The following NRG1 variants were observed in gnomAD, a reference collection of about 807,000 sequenced individuals.
The protein encoded by NRG1 is pro-neuregulin-1, membrane-bound isoform.
In NRG1, 18 loss-of-function variants were observed where a neutral mutation model predicts 63.8. The observed-to-expected ratio is 0.28, with a 90% CI of 0.19 to 0.42. The LOEUF (loss-of-function observed/expected upper bound fraction) is 0.42. Ranked by LOEUF, NRG1 falls within the 10% of genes least tolerant of loss-of-function variation. The pLI is 1.00. For synonymous variants in NRG1, 302 were observed against 301.3 expected (o/e 1.00, Z -0.02); for missense variants, 762 against 814.7 (o/e 0.94, Z 0.79).
intron 1 of NRG1, among the ~76,000 whole-genome samples, chr8:32,500,940 T>C (rs1219830885): frequency 6.6e-6 from 1 of 152,202 alleles, no homozygotes; most frequent in Non-Finnish European, 1.5e-5. Context: ...GCTTCTCCAT[T>C]AGTTCTGGAA....
intron 1 of NRG1, among the ~76,000 whole-genome samples, chr8:32,332,664 G>A (rs1802791685): frequency 6.6e-6 from 1 of 152,152 alleles, no homozygotes; most frequent in Non-Finnish European, 1.5e-5. Flanking sequence ...AAAGGAAACT[G>A]AAGCATAGAG....
At chr8:32,299,698 C>T (rs902378540) in intron 1 of NRG1, among the ~76,000 whole-genome samples, 5 of 152,082 alleles carry the variant, frequency 3.3e-5, no homozygotes, top group East Asian at 1.9e-4. Context: ...GCAAAGGAGG[C>T]GCAAAGGCAC....
chr8:32,258,263 T>A (rs1392614879), intron 1 of NRG1, among the ~76,000 whole-genome samples: 1 of 152,194 alleles, frequency 6.6e-6, no homozygotes, highest in African/African-American at 2.4e-5. Flanking sequence ...AAATAGCTTT[T>A]CACAGTTGAG....
chr8:32,711,999 G>C (rs1817930328), intron 5 of NRG1, among the ~76,000 whole-genome samples: 1 of 152,140 alleles, frequency 6.6e-6, no homozygotes, highest in Admixed American at 6.6e-5. Context: ...ATGGCAGAGT[G>C]AGCCTGCGTA....
chr8:32,093,416 A>G (rs1829471817), intron 1 of NRG1, among the ~76,000 whole-genome samples: 1 of 152,214 alleles, frequency 6.6e-6, no homozygotes, highest in Non-Finnish European at 1.5e-5. Flanking sequence ...AAATGAAAAA[A>G]CTAGTGCTAA....
chr8:31,990,792 A>T (rs1268031446), intron 1 of NRG1, among the ~76,000 whole-genome samples: 1 of 152,086 alleles, frequency 6.6e-6, no homozygotes, highest in Non-Finnish European at 1.5e-5. Context: ...GGTTCTGGTT[A>T]AACTTTTCCA....
At chr8:31,989,786 G>T (rs569850705) in intron 1 of NRG1, among the ~76,000 whole-genome samples, 1 of 152,042 alleles carries the variant, frequency 6.6e-6, no homozygotes, top group Non-Finnish European at 1.5e-5. Flanking sequence ...ATTCCAGGAC[G>T]TGCCAATGAA....
chr8:32,692,442 G>T (rs1485947545), intron 5 of NRG1, among the ~76,000 whole-genome samples: 3 of 152,158 alleles, frequency 2.0e-5, no homozygotes, highest in African/African-American at 7.2e-5. Context: ...GATTCCAACT[G>T]AGCTTTGGCC....
At chr8:31,767,701 G>A (rs1329232178) in intron 1 of NRG1, among the ~76,000 whole-genome samples, 6 of 151,882 alleles carry the variant, frequency 4.0e-5, no homozygotes, top group Admixed American at 6.6e-5. Context: ...TGAGCTGGGC[G>A]TGGTGGCAGT....
chr8:31,903,242 G>A (rs574159118), intron 1 of NRG1, among the ~76,000 whole-genome samples: 8 of 144,804 alleles, frequency 5.5e-5, no homozygotes, highest in East Asian at 4.5e-4. Context: ...TCTGCCTCCC[G>A]GGTTCACGCC....
At chr8:32,251,387 T>C (rs1849086051) in intron 1 of NRG1, among the ~76,000 whole-genome samples, 1 of 87,580 alleles carries the variant, frequency 1.1e-5, no homozygotes. Flanking sequence ...GGACACAAAC[T>C]CAACCTTTTT....
chr8:32,406,718 T>A (rs987019781), intron 1 of NRG1, among the ~76,000 whole-genome samples: 4 of 152,168 alleles, frequency 2.6e-5, no homozygotes, highest in African/African-American at 9.7e-5. Context: ...TCGTCCTTTT[T>A]TTTTAAAGGC....
intron 1 of NRG1, among the ~76,000 whole-genome samples, chr8:32,135,498 A>C (rs1203771375): frequency 6.6e-6 from 1 of 152,100 alleles, no homozygotes; most frequent in Non-Finnish European, 1.5e-5. Flanking sequence ...CTGGCTTAGC[A>C]GGGTGGGCAC....
At chr8:31,878,128 A>G (rs902639105) in intron 1 of NRG1, among the ~76,000 whole-genome samples, 1 of 152,332 alleles carries the variant, frequency 6.6e-6, no homozygotes. Flanking sequence ...GTCAGTCTGC[A>G]TGCAAACTGT....
intron 1 of NRG1, among the ~76,000 whole-genome samples, chr8:32,207,216 A>T (rs563562635): frequency 1.3e-5 from 2 of 152,246 alleles, no homozygotes; most frequent in Non-Finnish European, 2.9e-5. Context: ...GTAATTTTAA[A>T]TGTCGCTTTC....
chr8:32,468,416 A>T (rs554492335), intron 1 of NRG1, among the ~76,000 whole-genome samples: 15 of 152,280 alleles, frequency 9.9e-5, no homozygotes, highest in African/African-American at 3.6e-4. Context: ...GGCCCTATAA[A>T]TAGTTACTTC....
At chr8:31,993,632 A>G (rs1429513486) in intron 1 of NRG1, among the ~76,000 whole-genome samples, 2 of 151,980 alleles carry the variant, frequency 1.3e-5, no homozygotes, top group East Asian at 3.9e-4. Context: ...TCCCCAGCCA[A>G]TGTGGAACTG....
chr8:32,224,529 C>T (rs1027986704), intron 1 of NRG1, among the ~76,000 whole-genome samples: 11 of 152,188 alleles, frequency 7.2e-5, no homozygotes, highest in African/African-American at 2.7e-4. Flanking sequence ...ATTACAGATG[C>T]TATAATCCTG....
chr8:32,123,721 T>C (rs949730731), intron 1 of NRG1, among the ~76,000 whole-genome samples: 5 of 151,324 alleles, frequency 3.3e-5, no homozygotes, highest in Admixed American at 3.3e-4. Flanking sequence ...TTATAACTTA[T>C]TAAGTCAGTG....
Sources: gnomAD v4.1 joint callset for allele counts (sites outside exome capture counted in the v4.1 genomes callset) on GRCh38, gnomAD v4.1.1 for gene constraint, MANE v1.5 for transcripts, NCBI Gene and HGNC (gene_info 2026-07-23, HGNC 2026-07-21) for gene names.